The following DPP8 variants were observed in gnomAD, a reference collection of about 807,000 sequenced individuals.
The protein encoded by DPP8 is DPP VIII.
In DPP8, 31 loss-of-function variants were observed where a neutral mutation model predicts 107.5. The observed-to-expected ratio is 0.29, with a 90% CI of 0.22 to 0.39. The LOEUF (loss-of-function observed/expected upper bound fraction) is 0.39. Ranked by LOEUF, DPP8 falls within the 10% of genes least tolerant of loss-of-function variation. The pLI is 1.00. For missense variants in DPP8, 842 were observed against 1,076.1 expected (o/e 0.78, Z 3.04); for synonymous variants, 381 against 356.6 (o/e 1.07, Z -0.77).
chr15:65,509,278 TCA>T (rs2070457933), intron 2 of DPP8, among the ~76,000 whole-genome samples: 1 of 152,194 alleles, frequency 6.6e-6, no homozygotes, highest in African/African-American at 2.4e-5. Flanking sequence ...CTAAGAGCCT[TCA>T]GTCTTCAAAT....
intron 12 of DPP8, among the ~76,000 whole-genome samples, chr15:65,469,995 G>A (rs1049119955): frequency 6.6e-6 from 1 of 150,794 alleles, no homozygotes; most frequent in African/African-American, 2.4e-5. Context: ...TCAGGAGTTC[G>A]AGACCAGCTT....
chr15:65,466,445 T>G (rs1186202850), intron 14 of DPP8, among the ~76,000 whole-genome samples: 1 of 151,994 alleles, frequency 6.6e-6, no homozygotes, highest in African/African-American at 2.4e-5. Context: ...GCCTTAACCT[T>G]ATTTTCAAAA....
intron 5 of DPP8, among the ~76,000 whole-genome samples, chr15:65,495,180 A>G (rs894074907): frequency 6.6e-6 from 1 of 152,178 alleles, no homozygotes; most frequent in African/African-American, 2.4e-5. Flanking sequence ...CTTTTGCATC[A>G]AGACCTTTCT....
chr15:65,459,737 C>T (rs1273575114), intron 15 of DPP8, among the ~76,000 whole-genome samples: 1 of 151,964 alleles, frequency 6.6e-6, no homozygotes, highest in Non-Finnish European at 1.5e-5. Flanking sequence ...GGTAGATCAC[C>T]TGAGGTCAGG....
At chr15:65,478,820 TC>T in intron 11 of DPP8, 59 bp downstream of exon 11, 1 of 1,183,838 alleles carries the variant, frequency 8.4e-7, no homozygotes, top group Non-Finnish European at 1.2e-6. Flanking sequence ...CATTCCCCTG[TC>T]CCTCCCACCT....
chr15:65,488,776 C>G (rs1338383984), intron 6 of DPP8, among the ~76,000 whole-genome samples: 2 of 152,072 alleles, frequency 1.3e-5, no homozygotes, highest in African/African-American at 4.8e-5. Flanking sequence ...GGATCATGGT[C>G]AAAAAGTTTG....
At chr15:65,471,140 A>T (rs1276811522) in intron 12 of DPP8, among the ~76,000 whole-genome samples, 3 of 152,326 alleles carry the variant, frequency 2.0e-5, no homozygotes, top group African/African-American at 7.2e-5. Flanking sequence ...AATTTACATC[A>T]GTGTAGTTTT....
chr15:65,467,404 G>A (rs2065458207), intron 12 of DPP8, among the ~76,000 whole-genome samples, 181 bp from the exon 13 acceptor site: 1 of 151,846 alleles, frequency 6.6e-6, no homozygotes, highest in African/African-American at 2.4e-5. Context: ...TTAAAGAGTT[G>A]AGGTCTCACC....
At chr15:65,502,534 C>A (rs558426222) in intron 3 of DPP8, among the ~76,000 whole-genome samples, 1 of 151,998 alleles carries the variant, frequency 6.6e-6, no homozygotes, top group East Asian at 1.9e-4. Context: ...AAAAATTAGC[C>A]GAGCATGCTG....
intron 7 of DPP8, among the ~76,000 whole-genome samples, chr15:65,485,780 AAACC>A (rs1219384275): frequency 1.3e-5 from 2 of 151,700 alleles, no homozygotes; most frequent in African/African-American, 2.4e-5. Context: ...CAACATGGTA[AAACC>A]CCATATCTAC....
chr15:65,452,102 C>A lies in DPP8; in HGVS notation c.2272G>T (p.Val758Phe). The part of the protein sequence containing the change: ...ALMQRSDIFR[V>F]AIAGAPVTLW... ...GTGACTGGGGCCCCAGCAATAGCAACCTGCATAAGATGACATTGACAGTCA... is the reference window on the plus strand; with the variant it reads ...GTGACTGGGGCCCCAGCAATAGCAAACTGCATAAGATGACATTGACAGTCA... The change falls in exon 18 of 20, where the codon GTT (valine) becomes TTT (phenylalanine). Residue 758 changes from valine (V) to phenylalanine (F), a missense_variant and splice_region_variant. By Grantham distance (50) the Val-to-Phe change is conservative. Coordinates refer to ENST00000300141, the MANE Select transcript of DPP8 (RefSeq NM_130434.5). The A allele has an allele frequency of 6.2e-7, 1 of 1,601,180 alleles. No individual in the cohort carries two copies. The highest frequency in any genetic ancestry group is 8.5e-7 in the Non-Finnish European group (1 of 1,175,762).
chr15:65,465,171 T>TC (rs1329623536), intron 14 of DPP8, among the ~76,000 whole-genome samples: 101 of 150,120 alleles, frequency 6.7e-4, no homozygotes, highest in African/African-American at 2.3e-3. Flanking sequence ...TTTTTTCTTT[T>TC]TTTTTTTTTT....
intron 11 of DPP8, among the ~76,000 whole-genome samples, chr15:65,476,320 T>A (rs2066387258): frequency 6.6e-6 from 1 of 151,998 alleles, no homozygotes; most frequent in African/African-American, 2.4e-5. Flanking sequence ...GAAATTAAAA[T>A]AAAATTTAAT....
chr15:65,478,841 A>C, intron 11 of DPP8, 39 bp downstream of exon 11: 4 of 1,477,526 alleles, frequency 2.7e-6, no homozygotes, highest in Non-Finnish European at 3.7e-6. Flanking sequence ...TTCTGCTTCC[A>C]ACATTTTTTC....
chr15:65,457,789 C>G (rs1258998254), intron 15 of DPP8, among the ~76,000 whole-genome samples: 1 of 151,862 alleles, frequency 6.6e-6, no homozygotes, highest in Non-Finnish European at 1.5e-5. Context: ...AGTAAAGGCA[C>G]TTGTATTTAT....
chr15:65,510,191 C>T (rs1223105630), intron 2 of DPP8, among the ~76,000 whole-genome samples: 1 of 151,818 alleles, frequency 6.6e-6, no homozygotes. Flanking sequence ...TGGCACACGC[C>T]TGTAGGCCCA....
Position 65,463,830 on chromosome 15 carries a change from G to C in DPP8, c.1902C>G (p.Leu634=). 2 of 1,610,832 alleles carry C rather than the reference G, an allele frequency of 1.2e-6. No individual in the cohort carries two copies. The highest frequency in any genetic ancestry group is 8.5e-7 in the Non-Finnish European group (1 of 1,178,178). ...CAGGCTGTAGATCATGAGGCTTGTA[G>C]AGCATCCCATACAATGTAAATCCAG... ...STTGFTLYGM[L]YKPHDLQPGK... Residue 634 remains leucine, a synonymous_variant, in exon 15 of 20, where the codon CTC becomes CTG. Coordinates refer to ENST00000300141, the MANE Select transcript of DPP8 (RefSeq NM_130434.5).
intron 3 of DPP8, among the ~76,000 whole-genome samples, chr15:65,503,039 C>T (rs1338171869): frequency 6.6e-6 from 1 of 152,054 alleles, no homozygotes; most frequent in African/African-American, 2.4e-5. Context: ...ACAAGCTGAC[C>T]CTAGTAATAT....
At chr15:65,512,228 T>C (rs2070881786) in intron 2 of DPP8, 67 bp downstream of exon 2, 1 of 1,480,324 alleles carries the variant, frequency 6.8e-7, no homozygotes, top group African/African-American at 1.4e-5. Context: ...TGAGTGTCAA[T>C]TATACCTAGA....
Sources: allele counts gnomAD v4.1 joint callset (sites outside exome capture counted in the v4.1 genomes callset), GRCh38; gene constraint gnomAD v4.1.1; transcripts MANE v1.5; gene names NCBI Gene and HGNC (gene_info 2026-07-23, HGNC 2026-07-21).